The following RHPN2 variants were observed in gnomAD, a reference collection of about 807,000 sequenced individuals.
RHPN2 encodes the protein rhophilin-2.
A neutral mutation model predicts 79.0 loss-of-function variants in RHPN2; 40 were observed. That is an observed-to-expected ratio of 0.51 (90% CI 0.39 to 0.66). The LOEUF (loss-of-function observed/expected upper bound fraction) is 0.66. Ranked by LOEUF, RHPN2 falls within the 30% of genes least tolerant of loss-of-function variation. The pLI is 0.00. For synonymous variants in RHPN2, 285 were observed against 363.5 expected, an observed-to-expected ratio of 0.78 and a Z score of 2.46; for missense variants, 686 against 883.5, an observed-to-expected ratio of 0.78 and a Z score of 2.83.
In RHPN2 at chr19:33,012,653, C is replaced by T. The variant is rs765800187; in HGVS notation, c.462G>A (p.Leu154=). The change falls in exon 5 of 15, where the codon CTG becomes CTA. Residue 154 remains leucine, a synonymous_variant. Transcript: ENST00000254260. ...GCTGCACACAAAAACTTACTTGTCT[C>T]AGATCCATAAGATCTGCAATTTCAT... is the stretch of plus-strand genomic sequence containing the variant. The part of the protein sequence containing the change: ...YEDEIADLMD[L]RQACRTPSRD... 1.9e-6 allele frequency: 3 copies of T among 1,601,692 alleles called. No individual in the cohort carries two copies. The highest frequency in any genetic ancestry group is 2.6e-6 in the Non-Finnish European group (3 of 1,168,708).
intron 1 of RHPN2, among the ~76,000 whole-genome samples, chr19:33,058,770 C>G (rs952897809): frequency 6.6e-6 from 1 of 152,044 alleles, no homozygotes; most frequent in Non-Finnish European, 1.5e-5. Context: ...CAGAGCGAGA[C>G]TCCGTCTCAA....
chr19:33,033,615 T>C (rs1869863453), intron 2 of RHPN2, among the ~76,000 whole-genome samples: 1 of 151,628 alleles, frequency 6.6e-6, no homozygotes, highest in Admixed American at 6.6e-5. Flanking sequence ...ACACGTATAA[T>C]ACTAGCACTT....
chr19:33,063,293 G>A (rs2145278066), intron 1 of RHPN2, among the ~76,000 whole-genome samples: 1 of 150,320 alleles, frequency 6.7e-6, no homozygotes, highest in Non-Finnish European at 1.5e-5. Context: ...AATGCTAAAA[G>A]CAACTTCACA....
intron 1 of RHPN2, among the ~76,000 whole-genome samples, chr19:33,061,250 A>G (rs1972277577): frequency 8.1e-6 from 1 of 123,406 alleles, no homozygotes; most frequent in Non-Finnish European, 1.6e-5. Flanking sequence ...TTTTTTTGAG[A>G]CGGAGTCTCG....
chr19:33,032,454 A>T (rs1236767089), intron 2 of RHPN2, among the ~76,000 whole-genome samples: 1 of 152,114 alleles, frequency 6.6e-6, no homozygotes, highest in East Asian at 1.9e-4. Context: ...CCCTCTCACC[A>T]TGGCTTGTGC....
intron 9 of RHPN2, among the ~76,000 whole-genome samples, chr19:33,001,745 T>G (rs1220946161): frequency 1.3e-5 from 2 of 152,040 alleles, no homozygotes; most frequent in African/African-American, 4.8e-5. Context: ...TAGCTAGGAT[T>G]AGAGGCACGT....
chr19:33,034,385 C>G (rs958871676), intron 2 of RHPN2, among the ~76,000 whole-genome samples: 2 of 151,692 alleles, frequency 1.3e-5, no homozygotes, highest in Non-Finnish European at 2.9e-5. Flanking sequence ...GTGGGCAGAT[C>G]ACGAGGTCAG....
At chr19:33,061,330 C>T (rs186319407) in intron 1 of RHPN2, among the ~76,000 whole-genome samples, 64 of 151,656 alleles carry the variant, frequency 4.2e-4, no homozygotes, top group Admixed American at 3.0e-3. Flanking sequence ...CTCAGCCTCC[C>T]GAGTAGCTGG....
At chr19:33,003,634 A>G (rs1427834863) in intron 7 of RHPN2, among the ~76,000 whole-genome samples, 1 of 152,192 alleles carries the variant, frequency 6.6e-6, no homozygotes, top group African/African-American at 2.4e-5. Flanking sequence ...ATACAACAGA[A>G]TATTTTTCAG....
At chr19:32,983,526 T>C (rs1223225728) in intron 14 of RHPN2, among the ~76,000 whole-genome samples, 1 of 149,598 alleles carries the variant, frequency 6.7e-6, no homozygotes, top group African/African-American at 2.5e-5. Flanking sequence ...AAAAAAAAAG[T>C]AAAGCCTTTC....
At chr19:33,056,956 A>C (rs1470990203) in intron 1 of RHPN2, among the ~76,000 whole-genome samples, 3 of 150,156 alleles carry the variant, frequency 2.0e-5, no homozygotes, top group Non-Finnish European at 4.4e-5. Flanking sequence ...AAAAATACAA[A>C]AAAAAAAAAA....
At chr19:33,015,530 C>G (rs1262444915) in intron 4 of RHPN2, among the ~76,000 whole-genome samples, 4 of 151,720 alleles carry the variant, frequency 2.6e-5, no homozygotes, top group African/African-American at 9.7e-5. Flanking sequence ...ATTCTCTAGC[C>G]CACACATTAA....
chr19:33,047,572 C>G (rs909222005), intron 1 of RHPN2, among the ~76,000 whole-genome samples: 3 of 152,144 alleles, frequency 2.0e-5, no homozygotes, highest in African/African-American at 7.2e-5. Context: ...GGTAGTATTA[C>G]GTGGTGAAGA....
Position 33,031,807 on chromosome 19 carries a change from G to A in RHPN2, c.186-5175C>T, listed in dbSNP as rs546040633. Among the ~76,000 whole-genome samples the A allele has an allele frequency of 7.3e-5, 11 of 151,642 alleles. No homozygotes were observed. In the South Asian group the frequency reaches 1.9e-3, roughly 26 times the overall value. ...AGTGATTCTCCTGCCTCAGCCTCCC[G>A]AGTAGCTGGGACAGTGATTCTCCTG... is the stretch of plus-strand genomic sequence containing the variant. On this transcript the variant is annotated intron_variant, in intron 2 of 14. Transcript: ENST00000254260.
chr19:32,991,073 G>A (rs1450704346), intron 13 of RHPN2, among the ~76,000 whole-genome samples: 2 of 150,702 alleles, frequency 1.3e-5, no homozygotes, highest in South Asian at 2.1e-4. Context: ...TGTAATCCTA[G>A]CACTCTGGGA....
intron 14 of RHPN2, among the ~76,000 whole-genome samples, chr19:32,987,043 A>AT (rs944366101): frequency 1.1e-4 from 16 of 150,886 alleles, no homozygotes; most frequent in Non-Finnish European, 2.1e-4. Flanking sequence ...TGCCTCGCTA[A>AT]TTTTTTTTAT....
chr19:33,051,990 CA>C (rs1231161092), intron 1 of RHPN2, among the ~76,000 whole-genome samples: 18,534 of 80,958 alleles, frequency 0.23, 921 homozygotes, highest in Middle Eastern at 0.33. Flanking sequence ...GACCCTGTCT[CA>C]AAAAAAAAAA....
Position 32,990,619 on chromosome 19 carries a change from A to G in RHPN2, c.1695T>C (p.Asp565=). ...GDYIVSIQLV[D]CKWLTLSEVM... ...CCTCACTCAGCGTCAGCCACTTACAATCCACAAGCTGAATGGAGACAATAT... is the reference window on the plus strand; with the variant it reads ...CCTCACTCAGCGTCAGCCACTTACAGTCCACAAGCTGAATGGAGACAATAT... The change falls in exon 14 of 15, where the codon GAT becomes GAC. Residue 565 remains aspartate, a synonymous_variant. Coordinates refer to ENST00000254260, the MANE Select transcript of RHPN2 (RefSeq NM_033103.5). 1 of 1,613,764 alleles carries G rather than the reference A, an allele frequency of 6.2e-7. No individual in the cohort carries two copies. The highest frequency in any genetic ancestry group is 8.5e-7 in the Non-Finnish European group (1 of 1,179,826).
At chr19:32,983,237 G>C (rs1971589867) in intron 14 of RHPN2, among the ~76,000 whole-genome samples, 1 of 151,912 alleles carries the variant, frequency 6.6e-6, no homozygotes. Flanking sequence ...TCTTGGCGGG[G>C]CGTGGTGGCT....
Sources: gnomAD v4.1 joint callset for allele counts (sites outside exome capture counted in the v4.1 genomes callset) on GRCh38, gnomAD v4.1.1 for gene constraint, MANE v1.5 for transcripts, NCBI Gene and HGNC (gene_info 2026-07-23, HGNC 2026-07-21) for gene names.